The following RALGAPA1 variants were observed in gnomAD, a reference collection of about 807,000 sequenced individuals.
The protein encoded by RALGAPA1 is ral GTPase-activating protein subunit alpha-1.
A neutral mutation model predicts 269.6 loss-of-function variants in RALGAPA1; 52 were observed. That is an observed-to-expected ratio of 0.19 (90% confidence interval 0.15 to 0.24). The LOEUF (loss-of-function observed/expected upper bound fraction) is 0.24, where lower values mean the gene tolerates loss of function less well. RALGAPA1 is among the 10% of genes least tolerant of loss of function. The pLI is 1.00. For synonymous variants in RALGAPA1, 817 were observed against 1,008.3 expected, an observed-to-expected ratio of 0.81 and a Z score of 3.60; for missense variants, 1,917 against 3,013.9, an observed-to-expected ratio of 0.64 and a Z score of 8.52.
At chr14:35,635,888 T>G (rs191338642) in intron 31 of RALGAPA1, among the ~76,000 whole-genome samples, 1 of 152,270 alleles carries the variant, frequency 6.6e-6, no homozygotes, top group East Asian at 1.9e-4. Flanking sequence ...CACATATCAA[T>G]TAACTATACT....
At chr14:35,693,741 T>G (rs1314206710) in intron 17 of RALGAPA1, among the ~76,000 whole-genome samples, 1 of 151,794 alleles carries the variant, frequency 6.6e-6, no homozygotes, top group Non-Finnish European at 1.5e-5. Flanking sequence ...TAAAATAAAT[T>G]TAAATTTAGA....
rs770092705 is a variant in RALGAPA1 at position 35,689,488 on chromosome 14, C to G, written c.2923G>C (p.Gly975Arg). The G allele has an allele frequency of 1.3e-5, 16 of 1,236,250 alleles. No homozygotes were observed. The highest frequency in any genetic ancestry group is 6.3e-5 in the East Asian group (2 of 31,716). 76.6% of individuals were successfully genotyped at this position (1,236,250 alleles called of 1,614,324 possible). A position where few individuals can be genotyped will look rare whatever the true frequency, so the allele number is the denominator to read the frequency against. ...AATTTATCTAAGGATAATCTTTCAC[C>G]CCTATTTACTGCAATAGTCACTTCC... ...SQEVTIAVNR[G>R]ERLSLDKLEC... is the part of the protein sequence containing the mutation. Residue 975 changes from glycine (G) to arginine (R), a missense_variant, in exon 18 of 42, where the codon GGT becomes CGT. This residue lies in a region of RALGAPA1 where 615 missense variants were observed against 790.0 expected (regional missense o/e 0.78). Coordinates refer to ENST00000680220, the MANE Select transcript of RALGAPA1 (RefSeq NM_001346249.2).
intron 1 of RALGAPA1, among the ~76,000 whole-genome samples, chr14:35,794,180 A>C (rs2076391428): frequency 6.6e-6 from 1 of 152,134 alleles, no homozygotes; most frequent in African/African-American, 2.4e-5. Context: ...AAACTCTAAA[A>C]ATAATCAAGT....
At chr14:35,711,411 GC>G (rs1483340532) in intron 16 of RALGAPA1, among the ~76,000 whole-genome samples, 1 of 152,154 alleles carries the variant, frequency 6.6e-6, no homozygotes, top group East Asian at 1.9e-4. Context: ...TTTAGTGGTT[GC>G]CCCTGAGTTT....
intron 6 of RALGAPA1, among the ~76,000 whole-genome samples, chr14:35,757,638 T>C: frequency 6.6e-6 from 1 of 152,240 alleles, no homozygotes; most frequent in East Asian, 1.9e-4. Context: ...ACCAATCTGT[T>C]AACACTTACA....
chr14:35,557,812 TAC>T (rs1435745096), intron 39 of RALGAPA1, among the ~76,000 whole-genome samples: 3 of 152,188 alleles, frequency 2.0e-5, no homozygotes, highest in African/African-American at 7.2e-5. Flanking sequence ...TAAAAAAATT[TAC>T]AGATTTAAAA....
At chr14:35,695,040 G>A (rs550686233) in intron 17 of RALGAPA1, among the ~76,000 whole-genome samples, 74 of 152,092 alleles carry the variant, frequency 4.9e-4, no homozygotes, top group Middle Eastern at 6.8e-3. Flanking sequence ...AGATTGCACC[G>A]CTGCATTCTA....
intron 1 of RALGAPA1, among the ~76,000 whole-genome samples, chr14:35,792,964 A>G (rs2076299941): frequency 6.6e-6 from 1 of 151,948 alleles, no homozygotes; most frequent in South Asian, 2.1e-4. Context: ...ATAAAAATTT[A>G]AACTAAAGAA....
At position 35,723,056 on chromosome 14, in the gene RALGAPA1, T is replaced by G. The variant is rs1178462472; in HGVS notation, c.2075A>C (p.Glu692Ala). 6.2e-7 allele frequency: 1 copy of G among 1,603,982 alleles called. No homozygotes were observed. The highest frequency in any genetic ancestry group is 8.5e-7 in the Non-Finnish European group (1 of 1,170,918). Residue 692 changes from glutamate (E) to alanine (A), a missense_variant, in exon 15 of 42, where the codon GAA (glutamate) becomes GCA (alanine). This residue lies in a region of RALGAPA1 where 40 missense variants were observed against 112.6 expected (regional missense o/e 0.36). Transcript: ENST00000680220. ...CCCTTTGTGCTTTTTTTGTTTCTGT[T>G]CACTCAGCTTATCCAATGGTAAATC... ...LSDLPLDKLS[E>A]QKQKKHKGKG...
chr14:35,717,225 A>G (rs942674620), intron 16 of RALGAPA1, among the ~76,000 whole-genome samples: 3 of 152,150 alleles, frequency 2.0e-5, no homozygotes, highest in Non-Finnish European at 4.4e-5. Flanking sequence ...ATCTCGGCCC[A>G]CTGCAACCTC....
At chr14:35,692,961 A>G (rs2066615771) in intron 17 of RALGAPA1, among the ~76,000 whole-genome samples, 1 of 152,008 alleles carries the variant, frequency 6.6e-6, no homozygotes, top group Non-Finnish European at 1.5e-5. Context: ...TAATCCTCAC[A>G]ACAACCCCAT....
intron 33 of RALGAPA1, among the ~76,000 whole-genome samples, chr14:35,630,293 G>GTT (rs201991217): frequency 1.4e-5 from 2 of 145,060 alleles, no homozygotes; most frequent in Admixed American, 6.9e-5. Flanking sequence ...TTATTTACTG[G>GTT]TTTTTTTTTT....
chr14:35,626,331 G>A (rs896198535), intron 34 of RALGAPA1, among the ~76,000 whole-genome samples: 17 of 152,046 alleles, frequency 1.1e-4, no homozygotes, highest in African/African-American at 3.6e-4. Context: ...AGATTTGTTC[G>A]TTCACTGATA....
At chr14:35,717,386 G>C (rs1453274739) in intron 16 of RALGAPA1, among the ~76,000 whole-genome samples, 1 of 152,092 alleles carries the variant, frequency 6.6e-6, no homozygotes, top group Non-Finnish European at 1.5e-5. Context: ...CTGACCTCAG[G>C]TGATCCGCCC....
At chr14:35,644,890 T>C (rs758217689) in intron 31 of RALGAPA1, among the ~76,000 whole-genome samples, 5 of 152,188 alleles carry the variant, frequency 3.3e-5, no homozygotes, top group Non-Finnish European at 7.3e-5. Flanking sequence ...ATTCTGCACA[T>C]GTATCCTGGA....
intron 6 of RALGAPA1, 73 bp downstream of exon 6, chr14:35,760,756 A>T: frequency 9.0e-7 from 1 of 1,105,772 alleles, no homozygotes; most frequent in South Asian, 1.6e-5. Context: ...ATGCACAGAC[A>T]TTTGAAAAAA....
At chr14:35,710,425 T>C (rs926925887) in intron 16 of RALGAPA1, among the ~76,000 whole-genome samples, 2 of 152,078 alleles carry the variant, frequency 1.3e-5, no homozygotes, top group African/African-American at 4.8e-5. Context: ...CCGGCTAATT[T>C]TTTTGTATTT....
intron 31 of RALGAPA1, among the ~76,000 whole-genome samples, chr14:35,640,897 T>A (rs2061984114): frequency 6.6e-6 from 1 of 152,176 alleles, no homozygotes; most frequent in African/African-American, 2.4e-5. Flanking sequence ...AAGGGAGATT[T>A]ATCCCAGGGA....
intron 17 of RALGAPA1, among the ~76,000 whole-genome samples, chr14:35,696,284 C>T (rs1236176049): frequency 6.6e-6 from 1 of 152,144 alleles, no homozygotes; most frequent in Non-Finnish European, 1.5e-5. Flanking sequence ...TGTGGTGGCA[C>T]GTGCCTATGA....
Sources: allele counts gnomAD v4.1 joint callset (sites outside exome capture counted in the v4.1 genomes callset), GRCh38; gene constraint gnomAD v4.1.1; regional missense constraint gnomAD v4.1.1; transcripts MANE v1.5; gene names NCBI Gene and HGNC (gene_info 2026-07-23, HGNC 2026-07-21).